SLC5A8: variants seen among roughly 807,000 people sequenced by gnomAD.
SLC5A8 encodes the protein solute carrier family 5 member 8.
In SLC5A8, 55 loss-of-function variants were observed where a neutral mutation model predicts 71.9. The observed-to-expected ratio is 0.77, with a 90% CI of 0.62 to 0.96. SLC5A8 has a LOEUF of 0.96. Among genes scored for constraint, SLC5A8 ranks in the 40% least tolerant of loss-of-function variants. The pLI is 0.00. For missense variants in SLC5A8, 701 were observed against 745.3 expected, an observed-to-expected ratio of 0.94 and a Z score of 0.69; for synonymous variants, 307 against 276.1, an observed-to-expected ratio of 1.11 and a Z score of -1.11.
rs373297879 is a variant in SLC5A8 at position 101,195,091 on chromosome 12, G to T, written c.537+4C>A. The T allele has an allele frequency of 6.2e-7, 1 of 1,613,960 alleles. No homozygotes were observed. The highest frequency in any genetic ancestry group is 8.5e-7 in the Non-Finnish European group (1 of 1,179,912). On this transcript the variant is annotated splice_donor_region_variant and intron_variant, in intron 4 of 14. Transcript: ENST00000536262. The stretch of plus-strand genomic sequence containing the variant: ...GTGAAAAGGGAAATATGTCCTGGAC[G>T]TACCAGTGTGCAGTAGAATGTGCAG...
chr12:101,175,084 G>C (rs893972836), intron 10 of SLC5A8, among the ~76,000 whole-genome samples: 1 of 151,488 alleles, frequency 6.6e-6, no homozygotes, highest in Non-Finnish European at 1.5e-5. Flanking sequence ...TATATATAGA[G>C]AGAAAAATCT....
At chr12:101,191,956 C>T (rs1297167901) in intron 5 of SLC5A8, among the ~76,000 whole-genome samples, 1 of 152,184 alleles carries the variant, frequency 6.6e-6, no homozygotes, top group Non-Finnish European at 1.5e-5. Context: ...AAAGTGACAG[C>T]TATCTTGCAG....
intron 3 of SLC5A8, among the ~76,000 whole-genome samples, chr12:101,200,440 A>AAAAG (rs751511585): frequency 6.6e-6 from 1 of 152,118 alleles, no homozygotes; most frequent in Non-Finnish European, 1.5e-5. Context: ...TGGTCAGGAA[A>AAAAG]AAAGAAAGAA....
Position 101,201,435 on chromosome 12 carries a change from G to A in SLC5A8, c.469+729C>T, listed in dbSNP as rs375808975. Among the ~76,000 whole-genome samples the A allele has an allele frequency of 5.9e-5, 9 of 152,164 alleles. No homozygotes were observed. In the East Asian group the frequency reaches 7.7e-4, roughly 13 times the overall value. ...TGTACCACATTCTTCCCATCACAGA[G>A]TCCACATGTCCATTTTACAAGGACG... On this transcript the variant is annotated intron_variant, in intron 3 of 14. Transcript: ENST00000536262.
At chr12:101,165,738 C>T (rs1243009094) in intron 12 of SLC5A8, among the ~76,000 whole-genome samples, 1 of 152,138 alleles carries the variant, frequency 6.6e-6, no homozygotes, top group Non-Finnish European at 1.5e-5. Context: ...CGTGTCTTGA[C>T]CCCAAAGGTA....
chr12:101,206,455 C>T (rs1869682580), intron 1 of SLC5A8, among the ~76,000 whole-genome samples: 1 of 152,200 alleles, frequency 6.6e-6, no homozygotes, highest in Admixed American at 6.5e-5. Context: ...TTGAACCAAA[C>T]TGAAGCAAGT....
At chr12:101,167,061 A>G (rs1257711476) in intron 11 of SLC5A8, among the ~76,000 whole-genome samples, 4 of 152,158 alleles carry the variant, frequency 2.6e-5, no homozygotes. Flanking sequence ...CCAGAAAAGG[A>G]CATGTTAGCT....
At chr12:101,158,409 T>G in intron 13 of SLC5A8, 81 bp from the exon 14 acceptor site, 1 of 887,016 alleles carries the variant, frequency 1.1e-6, no homozygotes, top group Non-Finnish European at 1.8e-6. Context: ...ATACAGGCAT[T>G]TAACTTGTTC....
intron 1 of SLC5A8, among the ~76,000 whole-genome samples, chr12:101,207,962 G>T (rs1430010501): frequency 6.6e-6 from 1 of 152,128 alleles, no homozygotes; most frequent in South Asian, 2.1e-4. Context: ...AAGTTTAATA[G>T]AGAGTGAGAG....
At chr12:101,187,020 T>A (rs1022028789) in intron 7 of SLC5A8, among the ~76,000 whole-genome samples, 1 of 152,198 alleles carries the variant, frequency 6.6e-6, no homozygotes, top group Non-Finnish European at 1.5e-5. Context: ...TATAAATGAA[T>A]GCTCTAACAA....
chr12:101,166,611 G>A lies in SLC5A8; in HGVS notation c.1409C>T (p.Thr470Ile). The change falls in exon 12 of 15, where the codon ACA (threonine) becomes ATA (isoleucine). Residue 470 changes from threonine (T) to isoleucine (I), a missense_variant. Transcript: ENST00000536262. ...AQIYPPLPER[T>I]LPLHLDIQGC... ...TTGGATATCAAGGTGCAATGGCAAT[G>A]TTCTCTCAGGAAGTGGAGGATATAT... 1 of 1,613,988 alleles carries A rather than the reference G, an allele frequency of 6.2e-7. No individual in the cohort carries two copies. The highest frequency in any genetic ancestry group is 8.5e-7 in the Non-Finnish European group (1 of 1,179,956).
At position 101,184,208 on chromosome 12, in the gene SLC5A8, C is replaced by T; in HGVS notation, c.978G>A (p.Leu326=). The change falls in exon 8 of 15, where the codon TTG becomes TTA. Residue 326 remains leucine, a synonymous_variant. Transcript: ENST00000536262. ...GATAATCTTGCAGAATGTCCAGTACCAAATAAGGCATGAGCTGAAAAATTC... is the reference window on the plus strand; with the variant it reads ...GATAATCTTGCAGAATGTCCAGTACTAAATAAGGCATGAGCTGAAAAATTC... The part of the protein sequence containing the change: ...VSAPDQLMPY[L]VLDILQDYPG... 6.2e-7 allele frequency: 1 copy of T among 1,614,010 alleles called. No homozygotes were observed. Among genetic ancestry groups the T allele is most frequent in the Non-Finnish European group, 8.5e-7 (1 of 1,179,966 alleles).
In SLC5A8 at chr12:101,207,135, G is replaced by A. The variant is rs1050276894; in HGVS notation, c.351+2363C>T. ...TCTTAGCATGTTGCCTAACTTCCCC[G>A]TTCCCAACTGCCTGGCACCCTGGAG... is the stretch of plus-strand genomic sequence containing the variant. On this transcript the variant is annotated intron_variant, in intron 1 of 14. Coordinates refer to ENST00000536262, the MANE Select transcript of SLC5A8 (RefSeq NM_145913.5). Among the ~76,000 whole-genome samples, 4 of 152,162 alleles carry A rather than the reference G, an allele frequency of 2.6e-5. No homozygotes were observed. In the East Asian group the frequency reaches 5.8e-4, roughly 22 times the overall value.
intron 12 of SLC5A8, among the ~76,000 whole-genome samples, chr12:101,165,868 A>G (rs888919119): frequency 1.7e-4 from 26 of 152,316 alleles, no homozygotes; most frequent in African/African-American, 5.3e-4. Context: ...CTGGACACTT[A>G]TATATCCACT....
intron 10 of SLC5A8, among the ~76,000 whole-genome samples, chr12:101,176,240 T>C (rs1174000751): frequency 6.6e-6 from 1 of 152,010 alleles, no homozygotes; most frequent in Non-Finnish European, 1.5e-5. Flanking sequence ...AAAAAATTTC[T>C]CAGAGACAGA....
intron 10 of SLC5A8, among the ~76,000 whole-genome samples, chr12:101,175,608 A>G (rs1469967952): frequency 2.0e-5 from 3 of 152,090 alleles, no homozygotes; most frequent in African/African-American, 7.2e-5. Context: ...TAAAGAAAAA[A>G]CAAAACAAAA....
At chr12:101,185,278 A>C (rs1461167148) in intron 7 of SLC5A8, among the ~76,000 whole-genome samples, 1 of 152,228 alleles carries the variant, frequency 6.6e-6, no homozygotes, top group Non-Finnish European at 1.5e-5. Flanking sequence ...AATTTTTCCA[A>C]GATATCATAA....
intron 10 of SLC5A8, among the ~76,000 whole-genome samples, 173 bp downstream of exon 10, chr12:101,179,856 A>T (rs1356589317): frequency 1.3e-5 from 2 of 152,156 alleles, no homozygotes; most frequent in African/African-American, 2.4e-5. Flanking sequence ...TAAATCCACA[A>T]TTATCTCAAA....
At chr12:101,172,906 G>A (rs1005152450) in intron 10 of SLC5A8, among the ~76,000 whole-genome samples, 3 of 152,264 alleles carry the variant, frequency 2.0e-5, no homozygotes, top group African/African-American at 7.2e-5. Flanking sequence ...TCTGTTCCAA[G>A]GTCTCCCAGT....
Sources: gnomAD v4.1 joint callset for allele counts (sites outside exome capture counted in the v4.1 genomes callset) on GRCh38, gnomAD v4.1.1 for gene constraint, MANE v1.5 for transcripts, NCBI Gene and HGNC (gene_info 2026-07-23, HGNC 2026-07-21) for gene names.